The following UNC13A variants were observed in gnomAD, a reference collection of about 807,000 sequenced individuals.
UNC13A encodes protein unc-13 homolog A.
Under a neutral mutation model 219.7 loss-of-function variants are expected in UNC13A, and 61 were observed. The observed-to-expected ratio is 0.28, with a 90% CI of 0.23 to 0.34. The LOEUF (loss-of-function observed/expected upper bound fraction) is 0.34. Among genes scored for constraint, UNC13A ranks in the 10% least tolerant of loss-of-function variants. The pLI, the probability that UNC13A is intolerant of heterozygous loss-of-function variation, is 1.00. For synonymous variants in UNC13A, 920 were observed against 884.6 expected (o/e 1.04, Z -0.71); for missense variants, 1,476 against 2,270.3 (o/e 0.65, Z 7.11).
At chr19:17,668,550 A>G (rs10413325) in intron 5 of UNC13A, among the ~76,000 whole-genome samples, 135,575 of 152,192 alleles carry the variant, frequency 0.89, 61,260 homozygotes, top group Middle Eastern at 0.96. Context: ...GAAGTGGTAC[A>G]ATCTCAGTTC....
chr19:17,672,379 T>A lies in UNC13A; in HGVS notation c.269A>T (p.Glu90Val), dbSNP rs1416751087. The A allele has an allele frequency of 6.2e-7, 1 of 1,613,568 alleles. No homozygotes were observed. Among genetic ancestry groups the A allele is most frequent in the African/African-American group, 1.3e-5 (1 of 75,026 alleles). The change falls in exon 4 of 44, where the codon GAG becomes GTG. Residue 90 changes from glutamate to valine, a missense_variant and splice_region_variant. Around this residue, in one of 14 missense-constraint regions of UNC13A, gnomAD observed 203 missense variants for 301.6 expected, o/e 0.67. Transcript: ENST00000519716. ...IPLRTIRQSN[E>V]EGPGEWLTLD... ...ACCCTCAGGCCACCCGCCACTCACC[T>A]CATTGGACTGGCGGATGGTCCTCAG... is the stretch of plus-strand genomic sequence containing the variant.
At chr19:17,648,862 T>C (rs1163112411) in intron 15 of UNC13A, 50 bp downstream of exon 15, 1 of 1,554,042 alleles carries the variant, frequency 6.4e-7, no homozygotes, top group Middle Eastern at 1.7e-4. Context: ...TTCCAGAAGC[T>C]CCTAGCCCAG....
chr19:17,670,962 A>G (rs1450093490), intron 4 of UNC13A, among the ~76,000 whole-genome samples: 1 of 151,354 alleles, frequency 6.6e-6, no homozygotes, highest in African/African-American at 2.4e-5. Flanking sequence ...ATAAAATAAA[A>G]TGACAAAAAC....
Position 17,602,196 on chromosome 19 carries a change from G to GT in UNC13A, c.*3857dup, listed in dbSNP as rs1299047710. 2 of 152,648 alleles carry GT rather than the reference G, an allele frequency of 1.3e-5. No individual in the cohort carries two copies. Among genetic ancestry groups the GT allele is most frequent in the African/African-American group, 4.8e-5 (2 of 41,418 alleles). The allele number at this position is 152,648 out of a possible 1,614,324, so 9.5% of individuals were successfully genotyped here. On this transcript the variant is annotated 3_prime_UTR_variant, in exon 44 of 44. Transcript: ENST00000519716. ...ATGCAAATCATTCGAGGACAGACTG[G>GT]TAAGAGTGAACAGATCCTTCTTTCT...
chr19:17,647,166 C>A lies in UNC13A; in HGVS notation c.2044+99G>T, dbSNP rs924747234. Reference sequence around the variant, plus strand: ...TGGAATGCACCCGACCGAGTGAGTGCGCGCTGCAAAGGAGAGGGACCAGGC... The same window carrying A: ...TGGAATGCACCCGACCGAGTGAGTGAGCGCTGCAAAGGAGAGGGACCAGGC... On this transcript the variant is annotated intron_variant, in intron 17 of 43. Coordinates refer to ENST00000519716, the MANE Select transcript of UNC13A (RefSeq NM_001080421.3). 18 of 1,130,992 alleles carry A rather than the reference C, an allele frequency of 1.6e-5. No homozygotes were observed. The African/African-American group carries it at 1.8e-4, about 12-fold the overall frequency. 70.1% of individuals were successfully genotyped at this position (1,130,992 alleles called of 1,614,324 possible).
At chr19:17,682,357 CGTA>C (rs1453511132) in intron 1 of UNC13A, among the ~76,000 whole-genome samples, 1 of 152,124 alleles carries the variant, frequency 6.6e-6, no homozygotes, top group Non-Finnish European at 1.5e-5. Context: ...TTCTGGCAAA[CGTA>C]GATGGTGGAT....
chr19:17,611,940 T>TCA (rs2076608725), intron 41 of UNC13A, 85 bp from the exon 42 acceptor site: 1 of 1,208,842 alleles, frequency 8.3e-7, no homozygotes, highest in Non-Finnish European at 1.2e-6. Flanking sequence ...CCCACCCACC[T>TCA]GTGCTGGCGG....
In UNC13A at chr19:17,648,568, G is replaced by A; in HGVS notation, c.1679C>T (p.Thr560Met). Residue 560 changes from threonine (T) to methionine (M), a missense_variant, in exon 16 of 44, where the codon ACG becomes ATG. This residue lies in a region of UNC13A where 85 missense variants were observed against 211.5 expected (regional missense o/e 0.40). Transcript: ENST00000519716. The part of the protein sequence containing the change: ...CTTPHNFEVW[T>M]ATTPTYCYEC... ...GTAGCAGTAGGTGGGCGTGGTGGCC[G>A]TCCACACTTCGAAGTTGTGTGGCGT... is the stretch of plus-strand genomic sequence containing the variant. 6.2e-7 allele frequency: 1 copy of A among 1,614,078 alleles called. No individual in the cohort carries two copies. Among genetic ancestry groups the A allele is most frequent in the Non-Finnish European group, 8.5e-7 (1 of 1,179,994 alleles).
In UNC13A at chr19:17,673,270, T is replaced by C. The variant is rs546687332; in HGVS notation, c.153-775A>G. Among the ~76,000 whole-genome samples, 378 of 150,742 alleles carry C rather than the reference T, an allele frequency of 2.5e-3. 2 individuals are homozygous for C. Among genetic ancestry groups the C allele is most frequent in the African/African-American group, 8.7e-3 (356 of 40,884 alleles). Reference sequence around the variant, plus strand: ...TACTCGGGAGGCTGAGGCAGGAGAATTGCTTGAACCCAGGAGGCGGAGGTT... The same window carrying C: ...TACTCGGGAGGCTGAGGCAGGAGAACTGCTTGAACCCAGGAGGCGGAGGTT... On this transcript the variant is annotated intron_variant, in intron 3 of 43. Transcript: ENST00000519716.
intron 43 of UNC13A, among the ~76,000 whole-genome samples, chr19:17,608,947 G>T (rs988565585): frequency 3.1e-4 from 46 of 150,130 alleles, no homozygotes; most frequent in African/African-American, 1.1e-3. Flanking sequence ...CACCATGCTC[G>T]GCCAGAGCAG....
At chr19:17,652,599 T>G in intron 12 of UNC13A, 32 bp downstream of exon 12, 1 of 1,613,686 alleles carries the variant, frequency 6.2e-7, no homozygotes, top group Non-Finnish European at 8.5e-7. Flanking sequence ...GGTTCAAATC[T>G]TCCTCCCACC....
intron 7 of UNC13A, among the ~76,000 whole-genome samples, chr19:17,664,716 T>G (rs958070934): frequency 1.3e-5 from 2 of 151,942 alleles, no homozygotes; most frequent in African/African-American, 4.8e-5. Context: ...TGATGACCCC[T>G]CCCTGGCCAG....
At chr19:17,644,336 G>A (rs1037812244) in intron 19 of UNC13A, among the ~76,000 whole-genome samples, 1 of 149,556 alleles carries the variant, frequency 6.7e-6, no homozygotes, top group Non-Finnish European at 1.5e-5. Context: ...CTACAGGCAC[G>A]CATCACCACA....
intron 41 of UNC13A, chr19:17,613,677 C>T (rs963904666): frequency 5.3e-5 from 8 of 150,484 alleles, no homozygotes; most frequent in African/African-American, 1.7e-4. Flanking sequence ...CCCCTATTTC[C>T]CTTCTAGTGC....
chr19:17,640,468 T>C (rs1041726617), intron 22 of UNC13A, 43 bp downstream of exon 22: 2 of 1,528,516 alleles, frequency 1.3e-6, no homozygotes, highest in Non-Finnish European at 1.8e-6. Context: ...CGGCATAAAG[T>C]TGGGCTCTCC....
At chr19:17,685,885 T>C (rs2080099072) in intron 1 of UNC13A, among the ~76,000 whole-genome samples, 1 of 151,988 alleles carries the variant, frequency 6.6e-6, no homozygotes, top group Non-Finnish European at 1.5e-5. Flanking sequence ...CATCTCAGCC[T>C]AGCTTCACTC....
chr19:17,618,615 T>C (rs1306608503), intron 39 of UNC13A, 114 bp from the exon 40 acceptor site: 7 of 1,095,728 alleles, frequency 6.4e-6, no homozygotes, highest in Non-Finnish European at 8.1e-6. Context: ...GGTCTATGTT[T>C]TCATCATCCC....
At chr19:17,625,063 C>A (rs2076768506) in intron 34 of UNC13A, 111 bp from the exon 35 acceptor site, 2 of 1,483,236 alleles carry the variant, frequency 1.3e-6, no homozygotes, top group Admixed American at 2.3e-5. Flanking sequence ...GGGCCCACAG[C>A]CTGTACAGGG....
In UNC13A at chr19:17,617,604, T is replaced by A; in HGVS notation, c.4558+98A>T. 3.3e-6 allele frequency: 5 copies of A among 1,523,104 alleles called. No homozygotes were observed. In the South Asian group the frequency reaches 3.6e-5, roughly 11 times the overall value. The allele number at this position is 1,523,104 out of a possible 1,614,324, so 94.3% of individuals were successfully genotyped here. A position where few individuals can be genotyped will look rare whatever the true frequency, so the allele number is the denominator to read the frequency against. ...AGAGATGTCAATTCCGCCCCATCCATGACGTCACAGGGGAGTGAGCCAATG... is the reference window on the plus strand; with the variant it reads ...AGAGATGTCAATTCCGCCCCATCCAAGACGTCACAGGGGAGTGAGCCAATG... On this transcript the variant is annotated intron_variant, in intron 41 of 43. Coordinates refer to ENST00000519716, the MANE Select transcript of UNC13A (RefSeq NM_001080421.3).
Sources: allele counts gnomAD v4.1 joint callset (sites outside exome capture counted in the v4.1 genomes callset), GRCh38; gene constraint gnomAD v4.1.1; regional missense constraint gnomAD v4.1.1; transcripts MANE v1.5; gene names NCBI Gene and HGNC (gene_info 2026-07-23, HGNC 2026-07-21).